The following NPFFR2 variants were observed in gnomAD, a reference collection of about 807,000 sequenced individuals.
NPFFR2 encodes G-protein coupled receptor 74.
A neutral mutation model predicts 13.1 loss-of-function variants in NPFFR2; 15 were observed. That is an observed-to-expected ratio of 1.15 (90% CI 0.77 to 1.76). NPFFR2 has a LOEUF of 1.76. Among genes scored for constraint, NPFFR2 ranks in the 40% most tolerant of loss-of-function variants. NPFFR2 has a pLI of 0.00. For synonymous variants in NPFFR2, 190 were observed against 175.7 expected, an observed-to-expected ratio of 1.08 and a Z score of -0.65; for missense variants, 572 against 503.5, an observed-to-expected ratio of 1.14 and a Z score of -1.30.
chr4:72,134,314 CA>C (rs2109839967), intron 2 of NPFFR2, among the ~76,000 whole-genome samples: 1 of 152,190 alleles, frequency 6.6e-6, no homozygotes, highest in South Asian at 2.1e-4. Flanking sequence ...TTTGCCTTCT[CA>C]GGAGGCAGCC....
chr4:72,120,093 G>A (rs568740054), intron 1 of NPFFR2, among the ~76,000 whole-genome samples: 36 of 152,258 alleles, frequency 2.4e-4, no homozygotes, highest in African/African-American at 8.7e-4. Context: ...GCTTAGTGGG[G>A]GGAGGGACGT....
At chr4:72,077,050 C>T (rs897244542) in intron 1 of NPFFR2, among the ~76,000 whole-genome samples, 4 of 152,102 alleles carry the variant, frequency 2.6e-5, no homozygotes, top group Admixed American at 2.0e-4. Flanking sequence ...ACATGTGCTA[C>T]TCCCCTTATC....
At chr4:72,069,328 A>G (rs928571513) in intron 1 of NPFFR2, among the ~76,000 whole-genome samples, 10 of 152,154 alleles carry the variant, frequency 6.6e-5, no homozygotes, top group Non-Finnish European at 1.3e-4. Flanking sequence ...TAAACACAAC[A>G]TAGCATTTTA....
intron 1 of NPFFR2, among the ~76,000 whole-genome samples, chr4:72,080,149 TGTTG>T (rs1720564622): frequency 3.3e-5 from 1 of 30,102 alleles, no homozygotes. Flanking sequence ...TTGTTGTTGT[TGTTG>T]TTGTTTTTTT....
chr4:72,064,858 C>A (rs1560399627), intron 1 of NPFFR2, among the ~76,000 whole-genome samples: 1 of 152,170 alleles, frequency 6.6e-6, no homozygotes, highest in African/African-American at 2.4e-5. Context: ...CAATGATCAC[C>A]TGAGACATCT....
intron 1 of NPFFR2, among the ~76,000 whole-genome samples, chr4:72,094,343 C>T (rs1008919338): frequency 3.3e-5 from 5 of 152,284 alleles, no homozygotes; most frequent in African/African-American, 4.8e-5. Flanking sequence ...TTCAAGAGCA[C>T]ATCAGCTGCA....
At chr4:72,143,862 G>C (rs1722701926) in intron 3 of NPFFR2, among the ~76,000 whole-genome samples, 1 of 152,142 alleles carries the variant, frequency 6.6e-6, no homozygotes, top group South Asian at 2.1e-4. Flanking sequence ...AATCTCATGA[G>C]AGTTGATGTA....
chr4:72,101,144 T>C (rs565901686), intron 1 of NPFFR2, among the ~76,000 whole-genome samples: 49 of 152,190 alleles, frequency 3.2e-4, no homozygotes, highest in African/African-American at 1.1e-3. Context: ...ACAAAATAAA[T>C]ACGTTTGCCA....
At chr4:72,096,603 A>G (rs1721080364) in intron 1 of NPFFR2, among the ~76,000 whole-genome samples, 1 of 152,104 alleles carries the variant, frequency 6.6e-6, no homozygotes, top group African/African-American at 2.4e-5. Flanking sequence ...GTATGAAGGA[A>G]GCTACATCAG....
At chr4:72,078,699 G>T (rs1253989344) in intron 1 of NPFFR2, among the ~76,000 whole-genome samples, 1 of 152,052 alleles carries the variant, frequency 6.6e-6, no homozygotes, top group Non-Finnish European at 1.5e-5. Context: ...TGTGGTATTG[G>T]TGAAGAAATT....
At chr4:72,107,926 T>C (rs749121942) in intron 1 of NPFFR2, among the ~76,000 whole-genome samples, 1 of 152,040 alleles carries the variant, frequency 6.6e-6, no homozygotes, top group African/African-American at 2.4e-5. Context: ...GTATTTTATA[T>C]ATCAAATCTG....
At chr4:72,056,773 T>C (rs532684249) in intron 1 of NPFFR2, among the ~76,000 whole-genome samples, 29 of 151,984 alleles carry the variant, frequency 1.9e-4, no homozygotes, top group Non-Finnish European at 3.8e-4. Flanking sequence ...TTTTGAGAAG[T>C]TGAAGACTTC....
At chr4:72,039,929 A>T (rs1719159754) in intron 1 of NPFFR2, among the ~76,000 whole-genome samples, 1 of 152,168 alleles carries the variant, frequency 6.6e-6, no homozygotes, top group Non-Finnish European at 1.5e-5. Flanking sequence ...TGTTAAATTA[A>T]TTTGAATTTC....
At chr4:72,070,907 A>T (rs1720234324) in intron 1 of NPFFR2, among the ~76,000 whole-genome samples, 1 of 152,102 alleles carries the variant, frequency 6.6e-6, no homozygotes, top group Non-Finnish European at 1.5e-5. Flanking sequence ...TTTTCTTAGG[A>T]TCAAATTTAT....
chr4:72,100,336 A>G (rs902703760), intron 1 of NPFFR2, among the ~76,000 whole-genome samples: 9 of 152,110 alleles, frequency 5.9e-5, no homozygotes, highest in Non-Finnish European at 1.2e-4. Context: ...TCTGTTGCTT[A>G]ATTTCTGTGT....
chr4:72,053,700 C>G (rs553050953), intron 1 of NPFFR2, among the ~76,000 whole-genome samples: 1 of 151,776 alleles, frequency 6.6e-6, no homozygotes, highest in African/African-American at 2.4e-5. Context: ...TCAGGATTTT[C>G]TATGTACACA....
intron 2 of NPFFR2, among the ~76,000 whole-genome samples, chr4:72,134,726 A>C (rs926808819): frequency 3.3e-5 from 5 of 152,118 alleles, no homozygotes; most frequent in African/African-American, 1.2e-4. Context: ...TCTCTTGTCA[A>C]TACCTTTAAA....
chr4:72,044,212 C>G (rs576600763), intron 1 of NPFFR2, among the ~76,000 whole-genome samples: 135 of 152,328 alleles, frequency 8.9e-4, no homozygotes, highest in Non-Finnish European at 1.5e-3. Flanking sequence ...AATCAAACCT[C>G]TTTCCTTTAT....
intron 1 of NPFFR2, among the ~76,000 whole-genome samples, chr4:72,117,583 G>T (rs1009926981): frequency 6.7e-6 from 1 of 149,854 alleles, no homozygotes; most frequent in Non-Finnish European, 1.5e-5. Context: ...CGAAAGCTGC[G>T]ACATGGTCTA....
Sources: gnomAD v4.1 joint callset for allele counts (sites outside exome capture counted in the v4.1 genomes callset) on GRCh38, gnomAD v4.1.1 for gene constraint, MANE v1.5 for transcripts, NCBI Gene and HGNC (gene_info 2026-07-23, HGNC 2026-07-21) for gene names.